The following RALGPS2 variants were observed in gnomAD, a reference collection of about 807,000 sequenced individuals.
RALGPS2 encodes the protein Ral GEF with PH domain and SH3 binding motif 2, also known as ras-specific guanine nucleotide-releasing factor RalGPS2.
In RALGPS2, 43 loss-of-function variants were observed where a neutral mutation model predicts 86.8. That is an observed-to-expected ratio of 0.50 (90% CI 0.39 to 0.64). RALGPS2 has a LOEUF of 0.64. RALGPS2 is among the 30% of genes least tolerant of loss of function. RALGPS2 has a pLI of 0.00. For synonymous variants in RALGPS2, 243 were observed against 231.3 expected (o/e 1.05, Z -0.46); for missense variants, 536 against 694.6 (o/e 0.77, Z 2.57).
chr1:178,859,233 T>C (rs1285107921), intron 8 of RALGPS2, among the ~76,000 whole-genome samples: 1 of 152,104 alleles, frequency 6.6e-6, no homozygotes, highest in Non-Finnish European at 1.5e-5. Context: ...AGTTTTTTTG[T>C]TTTGTATTAA....
chr1:178,793,453 T>A lies in RALGPS2; in HGVS notation c.213+7846T>A, dbSNP rs115611552. Among the ~76,000 whole-genome samples the A allele has an allele frequency of 3.5e-3, 525 of 149,894 alleles. 4 individuals are homozygous for A. Among genetic ancestry groups the A allele is most frequent in the African/African-American group, 0.012 (476 of 40,686 alleles). On this transcript the variant is annotated intron_variant, in intron 4 of 19. Transcript: ENST00000367635. ...TGGGGTCTCGCAGTGTTGCCCAGAC[T>A]GGTCTTGAACTCCTGGGCTCAAGTG...
intron 8 of RALGPS2, among the ~76,000 whole-genome samples, chr1:178,867,865 G>A (rs553789048): frequency 2.6e-5 from 4 of 152,012 alleles, no homozygotes; most frequent in South Asian, 4.2e-4. Context: ...TTATGCTGTC[G>A]TCATGAAGAC....
rs539214916 is a variant in RALGPS2, at chr1:178,754,934, G to A, written c.-83-21748G>A. On this transcript the variant is annotated intron_variant, in intron 1 of 19. Coordinates refer to ENST00000367635, the MANE Select transcript of RALGPS2 (RefSeq NM_152663.5). ...CCTGCCTCAGCCTCCCGAGTAGCTG[G>A]AACTACAGGCATATGCCACCATGCC... 7.4e-4 allele frequency among the ~76,000 whole-genome samples: 112 copies of A among 152,234 alleles called. 2 individuals carry two copies. The South Asian group carries it at 0.021, about 28-fold the overall frequency.
At chr1:178,816,250 A>AT (rs997723663) in intron 6 of RALGPS2, among the ~76,000 whole-genome samples, 76 of 148,210 alleles carry the variant, frequency 5.1e-4, no homozygotes, top group East Asian at 4.7e-3. Context: ...TTGGTGTTTA[A>AT]TTTTTTTTTT....
At chr1:178,757,055 T>C (rs917101794) in intron 1 of RALGPS2, among the ~76,000 whole-genome samples, 1 of 152,216 alleles carries the variant, frequency 6.6e-6, no homozygotes, top group Admixed American at 6.5e-5. Flanking sequence ...TATTTTGTTG[T>C]TGTTGATTCT....
intron 6 of RALGPS2, among the ~76,000 whole-genome samples, chr1:178,816,170 G>C (rs984941937): frequency 1.3e-5 from 2 of 152,008 alleles, no homozygotes; most frequent in African/African-American, 4.8e-5. Flanking sequence ...AACATAACCC[G>C]GTTGGTTTTA....
At chr1:178,872,059 C>G (rs1387230657) in intron 8 of RALGPS2, among the ~76,000 whole-genome samples, 1 of 152,220 alleles carries the variant, frequency 6.6e-6, no homozygotes, top group East Asian at 1.9e-4. Flanking sequence ...GGATTTGAAT[C>G]TAATGCCAAA....
At chr1:178,765,021 A>T (rs1471219627) in intron 1 of RALGPS2, among the ~76,000 whole-genome samples, 1 of 152,058 alleles carries the variant, frequency 6.6e-6, no homozygotes, top group Non-Finnish European at 1.5e-5. Flanking sequence ...CCATGTGAAG[A>T]TATGCTTGCT....
chr1:178,744,741 T>C (rs1226557060), intron 1 of RALGPS2, among the ~76,000 whole-genome samples: 1 of 138,486 alleles, frequency 7.2e-6, no homozygotes, highest in Non-Finnish European at 1.5e-5. Flanking sequence ...CACTTGAAAC[T>C]GGGAGGGCAG....
chr1:178,762,892 T>G (rs947232212), intron 1 of RALGPS2, among the ~76,000 whole-genome samples: 1 of 152,184 alleles, frequency 6.6e-6, no homozygotes, highest in Non-Finnish European at 1.5e-5. Context: ...GCTTTTGGAG[T>G]CTTTGTTATG....
At chr1:178,730,795 G>A (rs1432645473) in intron 1 of RALGPS2, among the ~76,000 whole-genome samples, 49 of 151,154 alleles carry the variant, frequency 3.2e-4, no homozygotes, top group Admixed American at 3.1e-3. Flanking sequence ...TCTGCTTCCC[G>A]GGTTTAAGCG....
chr1:178,867,250 T>G (rs185947015), intron 8 of RALGPS2, among the ~76,000 whole-genome samples: 4 of 152,234 alleles, frequency 2.6e-5, no homozygotes, highest in Admixed American at 2.6e-4. Context: ...ACCACAACCC[T>G]ATGAAGTAGA....
intron 1 of RALGPS2, among the ~76,000 whole-genome samples, chr1:178,749,226 C>T (rs1336578133): frequency 6.6e-6 from 1 of 152,044 alleles, no homozygotes; most frequent in African/African-American, 2.4e-5. Flanking sequence ...GTGGCTCACG[C>T]CTATAATCCT....
intron 8 of RALGPS2, among the ~76,000 whole-genome samples, chr1:178,842,872 C>T (rs1656659739): frequency 6.8e-6 from 1 of 147,590 alleles, no homozygotes; most frequent in Non-Finnish European, 1.5e-5. Flanking sequence ...CAAAAGAAGA[C>T]ATTTATGCAG....
At chr1:178,755,398 C>G (rs1196485815) in intron 1 of RALGPS2, among the ~76,000 whole-genome samples, 4 of 152,098 alleles carry the variant, frequency 2.6e-5, no homozygotes, top group Admixed American at 1.3e-4. Flanking sequence ...CCACAAATAC[C>G]CATTGATTAG....
intron 7 of RALGPS2, among the ~76,000 whole-genome samples, chr1:178,830,297 A>G (rs570986935): frequency 1.3e-5 from 2 of 152,190 alleles, no homozygotes; most frequent in Non-Finnish European, 2.9e-5. Flanking sequence ...GACAATGGGA[A>G]TTGGGGAGAT....
Position 178,763,546 on chromosome 1 carries a change from T to G in RALGPS2, c.-83-13136T>G, listed in dbSNP as rs1327901413. 2.0e-5 allele frequency among the ~76,000 whole-genome samples: 3 copies of G among 152,240 alleles called. No homozygotes were observed. The East Asian group carries it at 5.8e-4, about 29-fold the overall frequency. Reference sequence around the variant, plus strand: ...TTGAGCAGTGTTTTATAATCTTCATTGTAAAGATAGTAAACCTCTCTAGTT... The same window carrying G: ...TTGAGCAGTGTTTTATAATCTTCATGGTAAAGATAGTAAACCTCTCTAGTT... On this transcript the variant is annotated intron_variant, in intron 1 of 19. Transcript: ENST00000367635.
chr1:178,837,128 G>GT (rs1656319980), intron 8 of RALGPS2, among the ~76,000 whole-genome samples: 1 of 152,062 alleles, frequency 6.6e-6, no homozygotes, highest in Non-Finnish European at 1.5e-5. Context: ...TCTCATTCAG[G>GT]TTTTTTCTGT....
At chr1:178,821,235 T>C (rs1186700437) in intron 6 of RALGPS2, among the ~76,000 whole-genome samples, 1 of 152,206 alleles carries the variant, frequency 6.6e-6, no homozygotes, top group African/African-American at 2.4e-5. Flanking sequence ...TGACCCTTTA[T>C]TGAAACTTGA....
Sources: allele counts gnomAD v4.1 joint callset (sites outside exome capture counted in the v4.1 genomes callset), GRCh38; gene constraint gnomAD v4.1.1; transcripts MANE v1.5; gene names NCBI Gene and HGNC (gene_info 2026-07-23, HGNC 2026-07-21).